Variants in PTPRM observed in about 807,000 individuals in gnomAD.
PTPRM encodes the protein protein tyrosine phosphatase receptor type M.
In PTPRM, 47 loss-of-function variants were observed where a neutral mutation model predicts 186.7. The observed-to-expected ratio is 0.25, with a 90% CI of 0.20 to 0.32. The LOEUF is 0.32. Ranked by LOEUF, PTPRM falls within the 10% of genes least tolerant of loss-of-function variation. The pLI is 1.00. For synonymous variants in PTPRM, 668 were observed against 674.9 expected (o/e 0.99, Z 0.16); for missense variants, 1,494 against 1,865.0 (o/e 0.80, Z 3.66).
chr18:8,210,479 C>G (rs1237552036), intron 14 of PTPRM, among the ~76,000 whole-genome samples: 1 of 152,140 alleles, frequency 6.6e-6, no homozygotes, highest in East Asian at 1.9e-4. Flanking sequence ...TGTCCTTCCC[C>G]TACAGGTTTC....
intron 6 of PTPRM, among the ~76,000 whole-genome samples, chr18:7,951,711 T>G (rs1289270623): frequency 6.6e-6 from 1 of 152,176 alleles, no homozygotes; most frequent in Non-Finnish European, 1.5e-5. Flanking sequence ...AATTATAATT[T>G]TATGGCCATA....
chr18:8,051,905 A>G (rs954817933), intron 7 of PTPRM, among the ~76,000 whole-genome samples: 1 of 152,210 alleles, frequency 6.6e-6, no homozygotes, highest in Non-Finnish European at 1.5e-5. Context: ...TGGTTATTAC[A>G]TGATACAATC....
intron 20 of PTPRM, among the ~76,000 whole-genome samples, chr18:8,310,347 C>T (rs1283514079): frequency 9.2e-5 from 14 of 151,652 alleles, no homozygotes; most frequent in Admixed American, 9.2e-4. Context: ...CACGCCCCTG[C>T]CTGTGGCTTC....
At chr18:8,128,270 T>C (rs1297834672) in intron 13 of PTPRM, among the ~76,000 whole-genome samples, 1 of 152,180 alleles carries the variant, frequency 6.6e-6, no homozygotes, top group Non-Finnish European at 1.5e-5. Flanking sequence ...AATGTAGTAT[T>C]CTGTAAATAT....
At chr18:8,262,533 A>G (rs1049313380) in intron 19 of PTPRM, among the ~76,000 whole-genome samples, 3 of 152,112 alleles carry the variant, frequency 2.0e-5, no homozygotes, top group African/African-American at 7.2e-5. Flanking sequence ...CTCATGCTGC[A>G]GGTTGTGGCC....
chr18:8,133,863 C>T (rs1465129684), intron 13 of PTPRM, among the ~76,000 whole-genome samples: 1 of 151,948 alleles, frequency 6.6e-6, no homozygotes, highest in Non-Finnish European at 1.5e-5. Context: ...TAGGAAGATC[C>T]ATACGGCTGC....
intron 7 of PTPRM, among the ~76,000 whole-genome samples, chr18:8,041,697 T>C (rs190845202): frequency 3.2e-4 from 48 of 152,334 alleles, no homozygotes; most frequent in Admixed American, 1.0e-3. Context: ...TCAGACTTAG[T>C]TACTCTTTGT....
intron 1 of PTPRM, among the ~76,000 whole-genome samples, chr18:7,657,695 G>A (rs781020218): frequency 9.9e-5 from 15 of 152,218 alleles, no homozygotes; most frequent in Non-Finnish European, 2.1e-4. Context: ...CATCATTCAA[G>A]ATGGACCGAA....
chr18:7,720,057 C>G (rs1239161594), intron 1 of PTPRM, among the ~76,000 whole-genome samples: 2 of 152,092 alleles, frequency 1.3e-5, no homozygotes, highest in South Asian at 2.1e-4. Flanking sequence ...AACCCTTAAA[C>G]TTCTCCTGGA....
chr18:8,240,769 A>G (rs1001281570), intron 14 of PTPRM, among the ~76,000 whole-genome samples: 3 of 62,828 alleles, frequency 4.8e-5, no homozygotes, highest in African/African-American at 9.2e-5. Context: ...AGGGAGGGAG[A>G]GAGAGAGGGA....
intron 2 of PTPRM, among the ~76,000 whole-genome samples, chr18:7,830,349 T>C (rs2145713351): frequency 6.6e-6 from 1 of 152,246 alleles, no homozygotes; most frequent in Non-Finnish European, 1.5e-5. Flanking sequence ...TGTAATTCCA[T>C]CTCCCTGTGT....
intron 14 of PTPRM, among the ~76,000 whole-genome samples, chr18:8,161,823 C>A (rs2093235372): frequency 6.6e-6 from 1 of 152,134 alleles, no homozygotes; most frequent in South Asian, 2.1e-4. Context: ...CACTGGCCTG[C>A]ATCCTACTTC....
intron 1 of PTPRM, chr18:7,741,647 G>A (rs1306211275): frequency 6.6e-6 from 1 of 152,142 alleles, no homozygotes; most frequent in Non-Finnish European, 1.5e-5. Context: ...CTCTTAATAA[G>A]TTGTCTAAGC....
intron 2 of PTPRM, among the ~76,000 whole-genome samples, chr18:7,835,537 A>G (rs1351557965): frequency 6.6e-6 from 1 of 152,154 alleles, no homozygotes; most frequent in Non-Finnish European, 1.5e-5. Context: ...GCTGAGGAAA[A>G]GAATGTGTAT....
chr18:8,057,204 C>A (rs553178852), intron 7 of PTPRM, among the ~76,000 whole-genome samples: 49 of 151,282 alleles, frequency 3.2e-4, no homozygotes, highest in African/African-American at 1.2e-3. Context: ...AATTTTATAT[C>A]AGTAATATTT....
chr18:7,662,936 C>A (rs928304293), intron 1 of PTPRM, among the ~76,000 whole-genome samples: 1 of 152,144 alleles, frequency 6.6e-6, no homozygotes, highest in African/African-American at 2.4e-5. Flanking sequence ...ATGTCTTCAT[C>A]ATGTTTGCAC....
chr18:7,701,707 C>T (rs2039970965), intron 1 of PTPRM, among the ~76,000 whole-genome samples: 1 of 151,940 alleles, frequency 6.6e-6, no homozygotes, highest in African/African-American at 2.4e-5. Context: ...TTCCTACAGA[C>T]TATTTTTTAT....
At chr18:8,036,966 T>G (rs1281220593) in intron 7 of PTPRM, among the ~76,000 whole-genome samples, 3 of 152,234 alleles carry the variant, frequency 2.0e-5, no homozygotes, top group African/African-American at 7.2e-5. Context: ...AGGTTTATGC[T>G]TAATGAACTT....
At chr18:8,280,061 G>A (rs192829275) in intron 19 of PTPRM, among the ~76,000 whole-genome samples, 1 of 152,300 alleles carries the variant, frequency 6.6e-6, no homozygotes, top group Admixed American at 6.5e-5. Context: ...CTAAGAGTGG[G>A]AAGTGTACGC....
Sources: allele counts gnomAD v4.1 joint callset (sites outside exome capture counted in the v4.1 genomes callset), GRCh38; gene constraint gnomAD v4.1.1; transcripts MANE v1.5; gene names NCBI Gene and HGNC (gene_info 2026-07-23, HGNC 2026-07-21).